Variants in SCN11A observed in about 807,000 individuals in gnomAD.
The protein encoded by SCN11A is sodium channel protein type 11 subunit alpha.
Under a neutral mutation model 162.2 loss-of-function variants are expected in SCN11A, and 122 were observed. That is an observed-to-expected ratio of 0.75 (90% CI 0.65 to 0.87). The LOEUF (loss-of-function observed/expected upper bound fraction) is 0.87. SCN11A is among the 40% of genes least tolerant of loss of function. SCN11A has a pLI of 0.00. For synonymous variants in SCN11A, 758 were observed against 751.5 expected, an observed-to-expected ratio of 1.01 and a Z score of -0.14; for missense variants, 2,015 against 2,181.6, an observed-to-expected ratio of 0.92 and a Z score of 1.52.
rs1478185223 is a variant in SCN11A at position 38,846,067 on chromosome 3, T to G, written c.*627A>C. The G allele has an allele frequency of 6.6e-6, 1 of 152,142 alleles. No individual in the cohort carries two copies. The highest frequency in any genetic ancestry group is 1.5e-5 in the Non-Finnish European group (1 of 68,022). The allele number at this position is 152,142 out of a possible 1,614,324, so 9.4% of individuals were successfully genotyped here. ...AAATACAACTTAAAATTTTAATGTG[T>G]TTTTTGTTTCTTATTCTTTTTTGTT... On this transcript the variant is annotated 3_prime_UTR_variant, in exon 30 of 30. Coordinates refer to ENST00000302328, the MANE Select transcript of SCN11A (RefSeq NM_001349253.2).
chr3:39,046,085 C>A (rs2032173913), intron 1 of SCN11A, among the ~76,000 whole-genome samples: 1 of 152,142 alleles, frequency 6.6e-6, no homozygotes, highest in African/African-American at 2.4e-5. Flanking sequence ...CAGGGCAAAA[C>A]CCTGTCTGTA....
intron 2 of SCN11A, among the ~76,000 whole-genome samples, chr3:38,981,529 G>GTGTATGTT (rs1489896109): frequency 3.2e-5 from 4 of 124,472 alleles, no homozygotes; most frequent in Non-Finnish European, 6.3e-5. Flanking sequence ...TGTGTTGTGT[G>GTGTATGTT]TGTGTGTTTG....
intron 29 of SCN11A, among the ~76,000 whole-genome samples, 161 bp from the exon 30 acceptor site, chr3:38,847,903 CCTAT>C (rs1444930307): frequency 2.0e-5 from 3 of 152,128 alleles, no homozygotes; most frequent in African/African-American, 4.8e-5. Flanking sequence ...AGGGAAAATA[CCTAT>C]CTGTGTCTTA....
chr3:38,933,371 G>A (rs970534922), intron 7 of SCN11A, among the ~76,000 whole-genome samples: 4 of 152,016 alleles, frequency 2.6e-5, no homozygotes, highest in East Asian at 1.9e-4. Flanking sequence ...AAAGCAGGAC[G>A]GAGAATGACT....
intron 7 of SCN11A, among the ~76,000 whole-genome samples, chr3:38,937,425 G>C (rs1338641223): frequency 6.7e-6 from 1 of 149,676 alleles, no homozygotes; most frequent in Non-Finnish European, 1.5e-5. Flanking sequence ...TACCGTCAGA[G>C]TTAACAGGCA....
chr3:38,907,340 G>A (rs867411383), intron 14 of SCN11A, among the ~76,000 whole-genome samples: 8,597 of 22,962 alleles, frequency 0.37, 468 homozygotes, highest in Middle Eastern at 0.42. Context: ...GTGTGTGTGT[G>A]TGTATATATC....
intron 9 of SCN11A, among the ~76,000 whole-genome samples, chr3:38,924,575 G>C (rs777156839): frequency 3.3e-5 from 5 of 152,078 alleles, no homozygotes; most frequent in Non-Finnish European, 7.4e-5. Context: ...GTTTCTCCAT[G>C]TTGATCAGGC....
Position 39,051,908 on chromosome 3 carries a change from A to C in SCN11A, c.-451T>G. 1 of 1,292,696 alleles carries C rather than the reference A, an allele frequency of 7.7e-7. No homozygotes were observed. Among genetic ancestry groups the C allele is most frequent in the African/African-American group, 1.5e-5 (1 of 67,592 alleles). 80.1% of individuals were successfully genotyped at this position (1,292,696 alleles called of 1,614,324 possible). ...CACAGCAACTAACAGCACCGAGGAAACACAACAGCCTGTTTACCTTCAGCC... is the reference window on the plus strand; with the variant it reads ...CACAGCAACTAACAGCACCGAGGAACCACAACAGCCTGTTTACCTTCAGCC... On this transcript the variant is annotated 5_prime_UTR_variant, in exon 1 of 30. Transcript: ENST00000302328.
intron 11 of SCN11A, among the ~76,000 whole-genome samples, chr3:38,916,264 C>A (rs11716777): frequency 0.31 from 47,482 of 151,940 alleles, 9,055 homozygotes; most frequent in South Asian, 0.5. Flanking sequence ...ATCCAGCTTG[C>A]CATTGTGTGC....
intron 28 of SCN11A, among the ~76,000 whole-genome samples, chr3:38,857,551 A>G (rs1017713695): frequency 1.1e-4 from 16 of 151,988 alleles, no homozygotes; most frequent in African/African-American, 3.6e-4. Flanking sequence ...TGATGAAGAA[A>G]TCTAAAGTTC....
intron 27 of SCN11A, among the ~76,000 whole-genome samples, chr3:38,864,001 T>G (rs2126089916): frequency 6.6e-6 from 1 of 152,294 alleles, no homozygotes; most frequent in East Asian, 1.9e-4. Flanking sequence ...GAACATTTAC[T>G]AATCTCTGTA....
intron 23 of SCN11A, among the ~76,000 whole-genome samples, chr3:38,877,992 G>T (rs1462223325): frequency 6.6e-6 from 1 of 151,520 alleles, no homozygotes; most frequent in Non-Finnish European, 1.5e-5. Flanking sequence ...AAAGTTGTAA[G>T]AATAATACAA....
intron 15 of SCN11A, among the ~76,000 whole-genome samples, 158 bp downstream of exon 15, chr3:38,905,034 C>A (rs1045032282): frequency 1.3e-4 from 20 of 152,216 alleles, no homozygotes. Context: ...TGTTTACATG[C>A]TCCAAAGAGG....
At chr3:38,949,859 C>T (rs2066574776) in intron 5 of SCN11A, among the ~76,000 whole-genome samples, 1 of 152,184 alleles carries the variant, frequency 6.6e-6, no homozygotes, top group Non-Finnish European at 1.5e-5. Context: ...TCCTTTTATC[C>T]TTTTGCAGTC....
chr3:39,015,934 A>T (rs956320624), intron 2 of SCN11A, among the ~76,000 whole-genome samples: 1 of 152,042 alleles, frequency 6.6e-6, no homozygotes, highest in Non-Finnish European at 1.5e-5. Context: ...ACATGGTTTC[A>T]CCATTTTGGC....
intron 7 of SCN11A, among the ~76,000 whole-genome samples, chr3:38,944,348 A>G (rs1482759578): frequency 6.7e-6 from 1 of 148,666 alleles, no homozygotes; most frequent in Admixed American, 6.7e-5. Flanking sequence ...TTTTTTTTTG[A>G]GACAGAGTCT....
intron 3 of SCN11A, among the ~76,000 whole-genome samples, chr3:38,958,630 T>A (rs1338064022): frequency 6.6e-6 from 1 of 152,224 alleles, no homozygotes; most frequent in African/African-American, 2.4e-5. Flanking sequence ...TGTACAAGTT[T>A]TAACATTTTA....
intron 2 of SCN11A, among the ~76,000 whole-genome samples, chr3:39,018,421 T>G (rs1305554239): frequency 6.6e-6 from 1 of 152,222 alleles, no homozygotes; most frequent in African/African-American, 2.4e-5. Context: ...TGGGTTCCCC[T>G]TCCTGTTCTA....
rs35620716 is a variant in SCN11A at position 38,866,206 on chromosome 3, C to CT, written c.3951+1114dup. On this transcript the variant is annotated intron_variant, in intron 27 of 29. Coordinates refer to ENST00000302328, the MANE Select transcript of SCN11A (RefSeq NM_001349253.2). ...CAATGTAATTCAGCCCTGAGAATTC[C>CT]TTTTTTTTTTTTTTCTCTTTTTCCT... Among the ~76,000 whole-genome samples, 888 of 143,498 alleles carry CT rather than the reference C, an allele frequency of 6.2e-3. 7 individuals are homozygous for CT. Among genetic ancestry groups the CT allele is most frequent in the African/African-American group, 0.017 (676 of 39,104 alleles). The allele number at this position is 143,498 out of a possible 152,430, so 94.1% of individuals were successfully genotyped here.
Sources: allele counts gnomAD v4.1 joint callset (sites outside exome capture counted in the v4.1 genomes callset), GRCh38; gene constraint gnomAD v4.1.1; transcripts MANE v1.5; gene names NCBI Gene and HGNC (gene_info 2026-07-23, HGNC 2026-07-21).